DOCK3: variants seen among roughly 807,000 people sequenced by gnomAD.
The protein encoded by DOCK3 is dedicator of cytokinesis protein 3.
DOCK3 carries 60 observed loss-of-function variants against 265.6 expected under a neutral mutation model. That is an observed-to-expected ratio of 0.23 (90% CI 0.18 to 0.28). The LOEUF is 0.28. Among genes scored for constraint, DOCK3 ranks in the 10% least tolerant of loss-of-function variants. The pLI is 1.00. For synonymous variants in DOCK3, 881 were observed against 938.0 expected (o/e 0.94, Z 1.11); for missense variants, 1,981 against 2,594.3 (o/e 0.76, Z 5.14).
chr3:50,788,110 A>G (rs1012769171), intron 2 of DOCK3: 7 of 758,206 alleles, frequency 9.2e-6, no homozygotes, highest in Non-Finnish European at 1.5e-5. Flanking sequence ...CAAACACAGA[A>G]TAAGGACTTC....
chr3:50,897,197 T>C (rs1430427321), intron 4 of DOCK3, among the ~76,000 whole-genome samples: 4 of 152,214 alleles, frequency 2.6e-5, no homozygotes, highest in Non-Finnish European at 5.9e-5. Context: ...AAGAGGTCCT[T>C]CACATCCCTT....
chr3:51,071,972 CT>C (rs2081892078), intron 6 of DOCK3, among the ~76,000 whole-genome samples: 1 of 152,138 alleles, frequency 6.6e-6, no homozygotes, highest in Non-Finnish European at 1.5e-5. Context: ...AGGAGGAACT[CT>C]TTTTGGTTTT....
intron 1 of DOCK3, among the ~76,000 whole-genome samples, chr3:50,754,484 C>T (rs2040032871): frequency 6.6e-6 from 1 of 151,154 alleles, no homozygotes; most frequent in African/African-American, 2.4e-5. Flanking sequence ...GTTGCGGGAA[C>T]TGTACTTTGA....
At chr3:50,784,676 A>G (rs181295706) in intron 2 of DOCK3, among the ~76,000 whole-genome samples, 3 of 152,274 alleles carry the variant, frequency 2.0e-5, no homozygotes, top group African/African-American at 7.2e-5. Flanking sequence ...TGTGTCATCT[A>G]TGTTTTCTTT....
At chr3:50,818,634 T>C (rs752611513) in intron 2 of DOCK3, among the ~76,000 whole-genome samples, 9 of 152,228 alleles carry the variant, frequency 5.9e-5, no homozygotes, top group Non-Finnish European at 1.3e-4. Flanking sequence ...TTATGGTTAC[T>C]ACACAGATGG....
chr3:50,679,361 C>T (rs1408586047), intron 1 of DOCK3, among the ~76,000 whole-genome samples: 2 of 152,046 alleles, frequency 1.3e-5, no homozygotes, highest in African/African-American at 2.4e-5. Flanking sequence ...TTCTCATTAC[C>T]AATCTGAAGA....
intron 5 of DOCK3, among the ~76,000 whole-genome samples, chr3:50,967,621 C>T (rs1036339414): frequency 2.0e-5 from 3 of 152,160 alleles, no homozygotes; most frequent in Admixed American, 6.5e-5. Context: ...AGGGAGGCCT[C>T]AGGAAACTTA....
At chr3:51,358,164 A>T in intron 46 of DOCK3, 87 bp downstream of exon 46, 6 of 1,388,186 alleles carry the variant, frequency 4.3e-6, no homozygotes, top group Admixed American at 1.8e-5. Context: ...GGAAAATAGG[A>T]GAGAGGGAGC....
intron 1 of DOCK3, among the ~76,000 whole-genome samples, chr3:50,739,931 T>C (rs1197098268): frequency 1.3e-5 from 2 of 152,188 alleles, no homozygotes; most frequent in Non-Finnish European, 2.9e-5. Flanking sequence ...TTGACATACG[T>C]ATTCATCTGT....
intron 27 of DOCK3, among the ~76,000 whole-genome samples, chr3:51,305,834 C>CTTTTTTTTTTTTTT (rs761039681): frequency 4.0e-5 from 2 of 50,554 alleles, no homozygotes; most frequent in Admixed American, 3.7e-4. Context: ...ATTTCTTCTT[C>CTTTTTTTTTTTTTT]TTTTTTTTTT....
chr3:51,184,265 C>T (rs1236683493), intron 12 of DOCK3, among the ~76,000 whole-genome samples: 1 of 149,758 alleles, frequency 6.7e-6, no homozygotes, highest in Non-Finnish European at 1.5e-5. Context: ...GAGCCAAGAT[C>T]GTGCCATTGC....
At chr3:50,716,562 TA>T (rs902585173) in intron 1 of DOCK3, among the ~76,000 whole-genome samples, 3 of 150,632 alleles carry the variant, frequency 2.0e-5, no homozygotes, top group Admixed American at 6.6e-5. Context: ...ATAATAAAAT[TA>T]AAAAAAATTA....
intron 1 of DOCK3, among the ~76,000 whole-genome samples, chr3:50,757,134 T>G (rs917388280): frequency 2.0e-5 from 3 of 149,954 alleles, no homozygotes; most frequent in Non-Finnish European, 4.4e-5. Context: ...ATTACAGGCG[T>G]GAGCCACTGT....
At chr3:50,934,542 A>G in intron 5 of DOCK3, among the ~76,000 whole-genome samples, 1 of 152,208 alleles carries the variant, frequency 6.6e-6, no homozygotes. Context: ...AAAATCTAAT[A>G]AAAGCCAGGC....
intron 12 of DOCK3, among the ~76,000 whole-genome samples, chr3:51,192,778 A>G (rs566345757): frequency 6.6e-6 from 1 of 152,086 alleles, no homozygotes; most frequent in Non-Finnish European, 1.5e-5. Context: ...TCAGGTGCCC[A>G]GCCTTGTGGT....
At chr3:50,701,704 T>C (rs1042560308) in intron 1 of DOCK3, among the ~76,000 whole-genome samples, 1 of 152,196 alleles carries the variant, frequency 6.6e-6, no homozygotes, top group African/African-American at 2.4e-5. Context: ...TTGGGTCTTA[T>C]GTTTACCTCC....
intron 12 of DOCK3, among the ~76,000 whole-genome samples, chr3:51,184,094 G>A (rs1267288572): frequency 2.0e-5 from 3 of 152,118 alleles, no homozygotes; most frequent in Non-Finnish European, 4.4e-5. Flanking sequence ...CAGATTACCT[G>A]AGGTCAGGAG....
At chr3:50,941,000 C>T (rs2076275743) in intron 5 of DOCK3, among the ~76,000 whole-genome samples, 1 of 151,990 alleles carries the variant, frequency 6.6e-6, no homozygotes, top group Admixed American at 6.6e-5. Flanking sequence ...TAGGAGAAAA[C>T]GTTCATGACC....
intron 14 of DOCK3, among the ~76,000 whole-genome samples, chr3:51,217,724 T>TA (rs2089863311): frequency 6.6e-6 from 1 of 152,238 alleles, no homozygotes; most frequent in African/African-American, 2.4e-5. Flanking sequence ...AAATGGATGT[T>TA]AACATTGTTT....
Sources: allele counts gnomAD v4.1 joint callset (sites outside exome capture counted in the v4.1 genomes callset), GRCh38; gene constraint gnomAD v4.1.1; transcripts MANE v1.5; gene names NCBI Gene and HGNC (gene_info 2026-07-23, HGNC 2026-07-21).